Variants in CNTN4 observed in about 807,000 individuals in gnomAD.
CNTN4 encodes contactin 4.
In CNTN4, 77 loss-of-function variants were observed where a neutral mutation model predicts 122.5. The observed-to-expected ratio is 0.63, with a 90% confidence interval of 0.52 to 0.76. The LOEUF is 0.76. Among genes scored for constraint, CNTN4 ranks in the 30% least tolerant of loss-of-function variants. The pLI is 0.00. For missense variants in CNTN4, 1,256 were observed against 1,259.1 expected, an observed-to-expected ratio of 1.00 and a Z score of 0.04; for synonymous variants, 512 against 447.0, an observed-to-expected ratio of 1.15 and a Z score of -1.83.
At chr3:2,272,182 A>G (rs147255975) in intron 2 of CNTN4, among the ~76,000 whole-genome samples, 1,734 of 152,118 alleles carry the variant, frequency 0.011, 16 homozygotes, top group Non-Finnish European at 0.02. Flanking sequence ...TTTTCTGATT[A>G]TAACAGTAAT....
intron 23 of CNTN4, among the ~76,000 whole-genome samples, chr3:3,047,680 G>T (rs959337120): frequency 1.3e-3 from 202 of 150,220 alleles, no homozygotes; most frequent in Non-Finnish European, 2.1e-3. Flanking sequence ...AAGCAGGAAA[G>T]ATCTAAAATT....
intron 14 of CNTN4, among the ~76,000 whole-genome samples, chr3:3,004,534 G>A (rs1005292945): frequency 6.6e-6 from 1 of 152,222 alleles, no homozygotes; most frequent in African/African-American, 2.4e-5. Context: ...ATGTATTATA[G>A]AGGGAAGAAT....
intron 2 of CNTN4, among the ~76,000 whole-genome samples, chr3:2,109,761 T>G (rs529246085): frequency 6.6e-6 from 1 of 152,356 alleles, no homozygotes; most frequent in South Asian, 2.1e-4. Flanking sequence ...TAATTATAAA[T>G]ACGAATTTTT....
At chr3:2,287,961 T>A (rs2149969193) in intron 2 of CNTN4, among the ~76,000 whole-genome samples, 1 of 152,340 alleles carries the variant, frequency 6.6e-6, no homozygotes, top group South Asian at 2.1e-4. Context: ...AGATCTCATT[T>A]TTTTTGTGTT....
At chr3:2,582,623 A>G (rs1404751700) in intron 4 of CNTN4, among the ~76,000 whole-genome samples, 1 of 152,178 alleles carries the variant, frequency 6.6e-6, no homozygotes, top group Non-Finnish European at 1.5e-5. Flanking sequence ...GAGGTGTGAT[A>G]TTGGATTCCA....
intron 13 of CNTN4, among the ~76,000 whole-genome samples, chr3:2,977,672 C>T (rs1156582458): frequency 1.3e-5 from 2 of 152,164 alleles, no homozygotes; most frequent in African/African-American, 2.4e-5. Context: ...CTCTGCCCCT[C>T]GTCTAAGGGC....
chr3:2,837,976 C>G (rs1334621678), intron 7 of CNTN4, among the ~76,000 whole-genome samples: 1 of 152,176 alleles, frequency 6.6e-6, no homozygotes, highest in African/African-American at 2.4e-5. Flanking sequence ...TCATCATGTA[C>G]TAGCATTCCA....
chr3:2,142,057 ATT>A (rs2035020901), intron 2 of CNTN4, among the ~76,000 whole-genome samples: 1 of 152,170 alleles, frequency 6.6e-6, no homozygotes, highest in East Asian at 1.9e-4. Flanking sequence ...CACGTTAATG[ATT>A]TCTGTCGTAG....
At chr3:2,322,604 T>C (rs2043310157) in intron 2 of CNTN4, among the ~76,000 whole-genome samples, 1 of 152,104 alleles carries the variant, frequency 6.6e-6, no homozygotes. Flanking sequence ...AAATGGATAA[T>C]GGCAATGGTG....
intron 14 of CNTN4, among the ~76,000 whole-genome samples, chr3:3,011,736 G>A (rs779641984): frequency 1.3e-5 from 2 of 152,120 alleles, no homozygotes; most frequent in African/African-American, 2.4e-5. Context: ...ACTTAGAGTC[G>A]CGATATTTCT....
intron 3 of CNTN4, among the ~76,000 whole-genome samples, chr3:2,441,234 G>T (rs987356803): frequency 2.0e-5 from 3 of 152,104 alleles, no homozygotes; most frequent in Non-Finnish European, 4.4e-5. Context: ...GGAAAAATCC[G>T]AGGGAGCTCC....
intron 3 of CNTN4, among the ~76,000 whole-genome samples, chr3:2,347,577 T>C (rs2044450068): frequency 6.6e-6 from 1 of 151,994 alleles, no homozygotes; most frequent in Admixed American, 6.6e-5. Flanking sequence ...ACCCAGCTAA[T>C]TTTTGTATTT....
rs1265054867 is a variant in CNTN4 at position 2,830,346 on chromosome 3, C to T, written c.454+10765C>T. ...CAGGTTTGATCCTTAGAACTGGAGG[C>T]CACTGATGTCAGAGTAAGGGCCAAA... On this transcript the variant is annotated intron_variant, in intron 7 of 24. Coordinates refer to ENST00000418658, the MANE Select transcript of CNTN4 (RefSeq NM_175607.3). 4.6e-5 allele frequency among the ~76,000 whole-genome samples: 7 copies of T among 152,244 alleles called. No individual in the cohort carries two copies. In the South Asian group the frequency reaches 1.5e-3, roughly 32 times the overall value.
At chr3:2,750,294 C>G (rs915294796) in intron 6 of CNTN4, among the ~76,000 whole-genome samples, 1 of 152,140 alleles carries the variant, frequency 6.6e-6, no homozygotes, top group Non-Finnish European at 1.5e-5. Flanking sequence ...TACATACTTT[C>G]TATAATTTTA....
intron 14 of CNTN4, among the ~76,000 whole-genome samples, chr3:2,994,962 C>G (rs745875998): frequency 4.6e-5 from 7 of 152,130 alleles, no homozygotes; most frequent in Non-Finnish European, 8.8e-5. Context: ...AATTAGATAT[C>G]TTCCACTGGA....
intron 13 of CNTN4, among the ~76,000 whole-genome samples, chr3:2,980,860 A>G (rs1320184594): frequency 6.6e-6 from 1 of 152,178 alleles, no homozygotes; most frequent in Admixed American, 6.5e-5. Context: ...TGACGTTTAC[A>G]TAACTCGTGG....
chr3:2,916,806 C>CA (rs1363740548), intron 12 of CNTN4, among the ~76,000 whole-genome samples: 1 of 150,334 alleles, frequency 6.7e-6, no homozygotes, highest in African/African-American at 2.5e-5. Context: ...ACCTCCCAGA[C>CA]GGGGCCGCCG....
intron 3 of CNTN4, among the ~76,000 whole-genome samples, chr3:2,507,302 C>A (rs570667267): frequency 1.3e-5 from 2 of 152,052 alleles, no homozygotes; most frequent in Non-Finnish European, 2.9e-5. Context: ...GCCAGTAGCA[C>A]CCCTACCCCA....
chr3:2,532,365 C>T (rs760065903), intron 3 of CNTN4, among the ~76,000 whole-genome samples: 4 of 152,056 alleles, frequency 2.6e-5, no homozygotes, highest in African/African-American at 4.8e-5. Flanking sequence ...GGTGGACCTC[C>T]TCCCTCAGCC....
Sources: allele counts gnomAD v4.1 joint callset (sites outside exome capture counted in the v4.1 genomes callset), GRCh38; gene constraint gnomAD v4.1.1; transcripts MANE v1.5; gene names NCBI Gene and HGNC (gene_info 2026-07-23, HGNC 2026-07-21).